The following SELE variants were observed in gnomAD, a reference collection of about 807,000 sequenced individuals.
The protein encoded by SELE is E-selectin.
In SELE, 52 loss-of-function variants were observed where a neutral mutation model predicts 75.8. The observed-to-expected ratio is 0.69, with a 90% CI of 0.55 to 0.86. The LOEUF is 0.86. Among genes scored for constraint, SELE ranks in the 40% least tolerant of loss-of-function variants. The pLI is 0.00. For synonymous variants in SELE, 285 were observed against 258.7 expected, an observed-to-expected ratio of 1.10 and a Z score of -0.98; for missense variants, 754 against 732.7, an observed-to-expected ratio of 1.03 and a Z score of -0.34.
At position 169,730,592 on chromosome 1, in the gene SELE, G is replaced by A. The variant is rs1438847119; in HGVS notation, c.555C>T (p.Ser185=). 13 of 1,613,820 alleles carry A rather than the reference G, an allele frequency of 8.1e-6. 1 individual carries two copies. In the South Asian group the frequency reaches 1.2e-4, roughly 15 times the overall value. Residue 185 remains serine (S), a synonymous_variant, in exon 5 of 14, where the codon TCC becomes TCT. Transcript: ENST00000333360. ...TGCAAACCAGGCTTCCATGCTCAGG[G>A]GATTCCAGGGCTGTACAGTTCACAA... ...EQIVNCTALE[S]PEHGSLVCSH... is the part of the protein sequence containing the mutation.
intron 10 of SELE, among the ~76,000 whole-genome samples, chr1:169,727,120 C>T (rs1648791990): frequency 1.3e-5 from 2 of 152,076 alleles, no homozygotes. Flanking sequence ...TCCATTTCCC[C>T]TTTCTCCTCT....
In SELE at chr1:169,731,957, A is replaced by G; in HGVS notation, c.422-15T>C. On this transcript the variant is annotated splice_polypyrimidine_tract_variant and intron_variant, in intron 3 of 13. Coordinates refer to ENST00000333360, the MANE Select transcript of SELE (RefSeq NM_000450.2). ...GGTACAGGCAGCTACGGAAAATACA[A>G]AGCATGATGAGGAGGACTATTACTG... is the stretch of plus-strand genomic sequence containing the variant. 1 of 1,544,408 alleles carries G rather than the reference A, an allele frequency of 6.5e-7. No homozygotes were observed. The highest frequency in any genetic ancestry group is 1.4e-5 in the African/African-American group (1 of 73,678).
intron 10 of SELE, 117 bp downstream of exon 10, chr1:169,727,232 T>C: frequency 8.9e-7 from 1 of 1,122,664 alleles, no homozygotes; most frequent in Non-Finnish European, 1.3e-6. Flanking sequence ...TATTCACAAC[T>C]TGTCAACCTG....
At position 169,732,605 on chromosome 1, in the gene SELE, A is replaced by G; in HGVS notation, c.421+10T>C. 6.5e-7 allele frequency: 1 copy of G among 1,545,458 alleles called. No homozygotes were observed. Among genetic ancestry groups the G allele is most frequent in the Non-Finnish European group, 8.7e-7 (1 of 1,148,678 alleles). ...GAAACTACCTCCCACTGCTGCCGCA[A>G]ACTCCCTACCTGTGTAGCATAGGGC... On this transcript the variant is annotated intron_variant, in intron 3 of 13. Coordinates refer to ENST00000333360, the MANE Select transcript of SELE (RefSeq NM_000450.2).
At chr1:169,731,706 G>T in intron 4 of SELE, 129 bp downstream of exon 4, 1 of 613,256 alleles carries the variant, frequency 1.6e-6, no homozygotes, top group Non-Finnish European at 2.9e-6. Flanking sequence ...CATAGTCTCA[G>T]CTCACGATCA....
rs112018622 is a variant in SELE, at chr1:169,729,695, A to G, written c.716-22T>C. 49 of 1,610,366 alleles carry G rather than the reference A, an allele frequency of 3.0e-5. 2 individuals carry two copies. In the African/African-American group the frequency reaches 3.6e-4, roughly 12 times the overall value. Reference sequence around the variant, plus strand: ...ACCACTGAGGATTTTAAAGAGCACCATGAATTTTACAGAAGAATGATCTTT... The same window carrying G: ...ACCACTGAGGATTTTAAAGAGCACCGTGAATTTTACAGAAGAATGATCTTT... On this transcript the variant is annotated intron_variant, in intron 5 of 13. Coordinates refer to ENST00000333360, the MANE Select transcript of SELE (RefSeq NM_000450.2).
intron 7 of SELE, 53 bp from the exon 8 acceptor site, chr1:169,728,299 T>C (rs746599259): frequency 4.5e-6 from 7 of 1,559,392 alleles, no homozygotes; most frequent in Non-Finnish European, 6.1e-6. Flanking sequence ...TAGAGAGTAC[T>C]TGGCGTTTGT....
chr1:169,729,101 G>A, intron 7 of SELE, 85 bp downstream of exon 7: 11 of 1,203,840 alleles, frequency 9.1e-6, no homozygotes, highest in South Asian at 1.6e-5. Context: ...TATAGTTAAA[G>A]TGGGTATTGG....
intron 2 of SELE, 43 bp from the exon 3 acceptor site, chr1:169,733,041 T>C (rs1449995294): frequency 1.3e-6 from 2 of 1,505,816 alleles, no homozygotes; most frequent in Admixed American, 4.7e-5. Flanking sequence ...TTTGGTACTG[T>C]TGTGGTTTAA....
In SELE at chr1:169,726,781, C is replaced by T. The variant is rs188240198; in HGVS notation, c.1671G>A (p.Leu557=). ...GTCCAGCAGCAGAAAGTCCAGCTAC[C>T]AAGGGAATGTTGGACTCAGTGGGAG... ...CEAPTESNIP[L]VAGLSAAGLS... Residue 557 remains leucine, a synonymous_variant, in exon 11 of 14, where the codon TTG becomes TTA. Coordinates refer to ENST00000333360, the MANE Select transcript of SELE (RefSeq NM_000450.2). 2 of 1,613,256 alleles carry T rather than the reference C, an allele frequency of 1.2e-6. No individual in the cohort carries two copies. Among genetic ancestry groups the T allele is most frequent in the Non-Finnish European group, 1.7e-6 (2 of 1,179,668 alleles).
At position 169,730,520 on chromosome 1, in the gene SELE, G is replaced by T; in HGVS notation, c.627C>A (p.Ser209Arg). Residue 209 changes from serine to arginine, a missense_variant, in exon 5 of 14, where the codon AGC becomes AGA. Coordinates refer to ENST00000333360, the MANE Select transcript of SELE (RefSeq NM_000450.2). The stretch of plus-strand genomic sequence containing the variant: ...TGCTTGGCAGGTAACCCCTATCACA[G>T]CTGATAGAGCAGGAAGAATTGTAGC... ...NFSYNSSCSI[S>R]CDRGYLPSSM... 1.2e-6 allele frequency: 2 copies of T among 1,613,812 alleles called. No homozygotes were observed. Among genetic ancestry groups the T allele is most frequent in the Non-Finnish European group, 8.5e-7 (1 of 1,179,792 alleles).
chr1:169,722,720 T>G lies in SELE; in HGVS notation c.*1805A>C, dbSNP rs560784425. 3.7e-4 allele frequency: 56 copies of G among 152,230 alleles called. No homozygotes were observed. In the South Asian group the frequency reaches 0.011, roughly 29 times the overall value. 9.4% of individuals were successfully genotyped at this position (152,230 alleles called of 1,614,324 possible). ...CATAAGCTTAAATAAATATATACTTTAAAAATTATAAAATATTTTAAGTTA... is the reference window on the plus strand; with the variant it reads ...CATAAGCTTAAATAAATATATACTTGAAAAATTATAAAATATTTTAAGTTA... On this transcript the variant is annotated 3_prime_UTR_variant, in exon 14 of 14. Transcript: ENST00000333360.
chr1:169,732,578 C>A (rs1648940456), intron 3 of SELE, 37 bp downstream of exon 3: 1 of 1,522,958 alleles, frequency 6.6e-7, no homozygotes. Context: ...TGCCCACACA[C>A]TGAAACTACC....
At chr1:169,728,891 C>T (rs191193279) in intron 7 of SELE, among the ~76,000 whole-genome samples, 182 of 152,072 alleles carry the variant, frequency 1.2e-3, no homozygotes, top group African/African-American at 3.8e-3. Flanking sequence ...TTCTGCTTTC[C>T]GAATTTTCTA....
chr1:169,732,406 GTA>G, intron 3 of SELE, among the ~76,000 whole-genome samples: 1 of 147,456 alleles, frequency 6.8e-6, no homozygotes, highest in Admixed American at 6.7e-5. Flanking sequence ...ATGTGTGTGT[GTA>G]TATATGTGTG....
chr1:169,724,894 A>C (rs1455152221), intron 13 of SELE, among the ~76,000 whole-genome samples: 1 of 152,234 alleles, frequency 6.6e-6, no homozygotes, highest in African/African-American at 2.4e-5. Flanking sequence ...ACACAAAAAA[A>C]GTTATTTTAA....
intron 11 of SELE, among the ~76,000 whole-genome samples, chr1:169,726,255 C>T (rs561664142): frequency 6.6e-6 from 1 of 152,172 alleles, no homozygotes; most frequent in Non-Finnish European, 1.5e-5. Flanking sequence ...GAACTTAACT[C>T]AAAAATGTTT....
chr1:169,729,460 A>C (rs747755719), intron 6 of SELE, 28 bp downstream of exon 6: 4 of 1,611,830 alleles, frequency 2.5e-6, no homozygotes, highest in Non-Finnish European at 3.4e-6. Flanking sequence ...GAATGTTCAC[A>C]GTAAGTCTCC....
chr1:169,732,143 G>A (rs1429386710), intron 3 of SELE, among the ~76,000 whole-genome samples: 1 of 152,004 alleles, frequency 6.6e-6, no homozygotes, highest in Non-Finnish European at 1.5e-5. Flanking sequence ...GTATAGCTGT[G>A]GCTGGCACCT....
Sources: allele counts gnomAD v4.1 joint callset (sites outside exome capture counted in the v4.1 genomes callset), GRCh38; gene constraint gnomAD v4.1.1; transcripts MANE v1.5; gene names NCBI Gene and HGNC (gene_info 2026-07-23, HGNC 2026-07-21).